Variants in FHIT observed in about 807,000 individuals in gnomAD.
FHIT encodes the protein fragile histidine triad diadenosine triphosphatase, also known as bis(5'-adenosyl)-triphosphatase.
A neutral mutation model predicts 17.9 loss-of-function variants in FHIT; 19 were observed. The observed-to-expected ratio is 1.06, with a 90% confidence interval of 0.74 to 1.56. FHIT has a LOEUF of 1.56. Among genes scored for constraint, FHIT ranks in the 40% most tolerant of loss-of-function variants. FHIT has a pLI of 0.00. For missense variants in FHIT, 248 were observed against 189.2 expected, an observed-to-expected ratio of 1.31 and a Z score of -1.82; for synonymous variants, 81 against 69.7, an observed-to-expected ratio of 1.16 and a Z score of -0.81.
At chr3:60,605,229 G>A (rs2038572830) in intron 4 of FHIT, among the ~76,000 whole-genome samples, 1 of 152,090 alleles carries the variant, frequency 6.6e-6, no homozygotes, top group African/African-American at 2.4e-5. Flanking sequence ...CTAGGGTACT[G>A]CTTTGCAAAT....
At chr3:59,932,029 G>C (rs1363800508) in intron 7 of FHIT, among the ~76,000 whole-genome samples, 4 of 152,124 alleles carry the variant, frequency 2.6e-5, no homozygotes, top group African/African-American at 9.7e-5. Context: ...ACTGAACTCT[G>C]AGAGCCTGGG....
intron 1 of FHIT, among the ~76,000 whole-genome samples, chr3:61,225,751 G>A (rs1466146295): frequency 6.6e-6 from 1 of 152,150 alleles, no homozygotes; most frequent in Non-Finnish European, 1.5e-5. Context: ...AAAATATAAC[G>A]AAGTCATGAC....
intron 8 of FHIT, among the ~76,000 whole-genome samples, chr3:59,764,620 C>T (rs985661402): frequency 1.3e-5 from 2 of 152,148 alleles, no homozygotes; most frequent in Non-Finnish European, 2.9e-5. Flanking sequence ...ATGCCTCTCT[C>T]TATTTCATTT....
At chr3:60,202,291 G>T (rs1443773713) in intron 5 of FHIT, among the ~76,000 whole-genome samples, 1 of 152,220 alleles carries the variant, frequency 6.6e-6, no homozygotes, top group African/African-American at 2.4e-5. Context: ...CTGATTCTCA[G>T]TCTGAAGTCA....
At position 60,091,573 on chromosome 3, in the gene FHIT, G is replaced by A. The variant is rs116353671; in HGVS notation, c.104-77421C>T. Among the ~76,000 whole-genome samples, 141 of 152,222 alleles carry A rather than the reference G, an allele frequency of 9.3e-4. 2 individuals carry two copies. The highest frequency in any genetic ancestry group is 1.9e-3 in the South Asian group (9 of 4,812). Reference sequence around the variant, plus strand: ...ACTGTATGATATGGTTTGAATCTGTGTCCCTGCCCAAATTTCACGTGGGAT... The same window carrying A: ...ACTGTATGATATGGTTTGAATCTGTATCCCTGCCCAAATTTCACGTGGGAT... On this transcript the variant is annotated intron_variant, in intron 5 of 9. Transcript: ENST00000492590.
intron 3 of FHIT, among the ~76,000 whole-genome samples, chr3:60,840,416 C>T (rs1347591473): frequency 2.0e-5 from 3 of 152,138 alleles, no homozygotes; most frequent in African/African-American, 7.2e-5. Flanking sequence ...CCATATTCTG[C>T]GATGAACTTG....
intron 8 of FHIT, among the ~76,000 whole-genome samples, chr3:59,756,774 T>C (rs971646481): frequency 7.9e-5 from 12 of 152,274 alleles, no homozygotes; most frequent in Admixed American, 3.3e-4. Context: ...AAGGCCATCA[T>C]TTTGTGCACT....
intron 2 of FHIT, among the ~76,000 whole-genome samples, chr3:61,179,197 A>G (rs2038254126): frequency 6.6e-6 from 1 of 151,476 alleles, no homozygotes; most frequent in South Asian, 2.1e-4. Context: ...TTTAGTAGAG[A>G]CGGGGTTTCA....
chr3:60,324,097 A>T (rs190163267), intron 5 of FHIT, among the ~76,000 whole-genome samples: 3 of 152,172 alleles, frequency 2.0e-5, no homozygotes, highest in Admixed American at 6.5e-5. Flanking sequence ...TTGTATTAGG[A>T]TACACCAGGC....
At chr3:59,900,023 A>T (rs1704255542) in intron 8 of FHIT, among the ~76,000 whole-genome samples, 1 of 152,240 alleles carries the variant, frequency 6.6e-6, no homozygotes, top group Non-Finnish European at 1.5e-5. Context: ...AAACTAGGCC[A>T]GGGCCCACAG....
chr3:60,648,177 G>A (rs1186593035), intron 4 of FHIT, among the ~76,000 whole-genome samples: 3 of 152,146 alleles, frequency 2.0e-5, no homozygotes, highest in Non-Finnish European at 2.9e-5. Context: ...CGTCCACCTA[G>A]GTATCACTTA....
chr3:60,725,077 A>G (rs1250339466), intron 4 of FHIT, among the ~76,000 whole-genome samples: 3 of 152,084 alleles, frequency 2.0e-5, no homozygotes, highest in East Asian at 1.9e-4. Context: ...CCATTTGCAT[A>G]TCTTCTTTGG....
At chr3:60,512,476 C>CCTTTA (rs2034987835) in intron 5 of FHIT, among the ~76,000 whole-genome samples, 1 of 152,218 alleles carries the variant, frequency 6.6e-6, no homozygotes, top group East Asian at 1.9e-4. Context: ...CTGAACTCGA[C>CCTTTA]CAGCATAGTT....
At chr3:60,166,488 A>G (rs2107385219) in intron 5 of FHIT, among the ~76,000 whole-genome samples, 1 of 152,312 alleles carries the variant, frequency 6.6e-6, no homozygotes. Context: ...CAGTGTGCTA[A>G]GCAGTACCCA....
chr3:60,447,812 A>G (rs1477092005), intron 5 of FHIT, among the ~76,000 whole-genome samples: 1 of 152,178 alleles, frequency 6.6e-6, no homozygotes, highest in African/African-American at 2.4e-5. Context: ...TATCCAACTT[A>G]AGCCTTTCTG....
intron 5 of FHIT, among the ~76,000 whole-genome samples, chr3:60,408,451 T>C (rs1701952800): frequency 6.6e-6 from 1 of 151,950 alleles, no homozygotes; most frequent in Admixed American, 6.6e-5. Context: ...TAAAACCCAG[T>C]GGGGCAAGGA....
intron 4 of FHIT, among the ~76,000 whole-genome samples, chr3:60,775,255 TA>T (rs1313879213): frequency 4.6e-5 from 7 of 152,124 alleles, no homozygotes; most frequent in Non-Finnish European, 1.0e-4. Context: ...AAACACCAGG[TA>T]AAAATTGAAG....
At chr3:60,373,382 G>C (rs1011338680) in intron 5 of FHIT, among the ~76,000 whole-genome samples, 1 of 152,292 alleles carries the variant, frequency 6.6e-6, no homozygotes, top group African/African-American at 2.4e-5. Context: ...CAAATGCGAA[G>C]GTTGCCACAT....
chr3:60,662,148 T>C lies in FHIT; in HGVS notation c.-17-125169A>G, dbSNP rs180804380. 7.1e-3 allele frequency among the ~76,000 whole-genome samples: 1,083 copies of C among 152,332 alleles called. 14 individuals are homozygous for C. The highest frequency in any genetic ancestry group is 0.024 in the Middle Eastern group (7 of 294). ...TATCTAGAAGAGTTTTCCAATGTTATCTTCTAGAAATTGTATGGTTTCAGG... is the reference window on the plus strand; with the variant it reads ...TATCTAGAAGAGTTTTCCAATGTTACCTTCTAGAAATTGTATGGTTTCAGG... On this transcript the variant is annotated intron_variant, in intron 4 of 9. Transcript: ENST00000492590.
Sources: gnomAD v4.1 joint callset for allele counts (sites outside exome capture counted in the v4.1 genomes callset) on GRCh38, gnomAD v4.1.1 for gene constraint, MANE v1.5 for transcripts, NCBI Gene and HGNC (gene_info 2026-07-23, HGNC 2026-07-21) for gene names.